Variants in LRMDA observed in about 807,000 individuals in gnomAD.
The protein encoded by LRMDA is leucine-rich melanocyte differentiation-associated protein.
A neutral mutation model predicts 29.8 loss-of-function variants in LRMDA; 18 were observed. That is an observed-to-expected ratio of 0.60 (90% confidence interval 0.42 to 0.90). LRMDA has a LOEUF of 0.90. LRMDA is among the 40% of genes least tolerant of loss of function. The pLI, the probability that LRMDA is intolerant of heterozygous loss-of-function variation, is 0.00. For missense variants in LRMDA, 273 were observed against 273.9 expected (o/e 1.00, Z 0.02); for synonymous variants, 125 against 109.4 (o/e 1.14, Z -0.89).
rs34383202 is a variant in LRMDA at position 75,667,220 on chromosome 10, A to ACC, written c.131+228736_131+228737dup. On this transcript the variant is annotated intron_variant, in intron 2 of 6. Transcript: ENST00000611255. ...TTTGTCCTTTTCTAATGATTTTATA[A>ACC]CCCCCCCCCCCAAGTAAGAATAAAA... is the stretch of plus-strand genomic sequence containing the variant. Among the ~76,000 whole-genome samples, 259 of 149,288 alleles carry ACC rather than the reference A, an allele frequency of 1.7e-3. 2 individuals carry two copies. The Middle Eastern group carries it at 0.021, about 12-fold the overall frequency.
At chr10:75,764,928 CGTGTGTGTGTGTGTGTGTGTGTGTGTGT>C (rs57422251) in intron 2 of LRMDA, among the ~76,000 whole-genome samples, 4 of 142,772 alleles carry the variant, frequency 2.8e-5, no homozygotes, top group Non-Finnish European at 6.1e-5. Context: ...GCAAGAGACA[CGTGTGTGTGTGTGTGTGTGTGTGTGTGT>C]GTGTGTGTGT....
At chr10:75,993,681 T>A (rs2132461830) in intron 2 of LRMDA, among the ~76,000 whole-genome samples, 1 of 151,366 alleles carries the variant, frequency 6.6e-6, no homozygotes, top group Non-Finnish European at 1.5e-5. Context: ...TCCAGCAAGC[T>A]GAGATCATGC....
At chr10:76,232,813 A>T (rs1164584024) in intron 5 of LRMDA, among the ~76,000 whole-genome samples, 1 of 152,184 alleles carries the variant, frequency 6.6e-6, no homozygotes, top group Non-Finnish European at 1.5e-5. Flanking sequence ...TGGTCCCCCT[A>T]CCCAAAGGTG....
intron 2 of LRMDA, among the ~76,000 whole-genome samples, chr10:75,798,339 T>C (rs1393816342): frequency 6.6e-6 from 1 of 152,088 alleles, no homozygotes. Context: ...ACTTAACCAC[T>C]TTTTGCTTTT....
chr10:76,125,618 G>T (rs1266178708), intron 5 of LRMDA, among the ~76,000 whole-genome samples: 2 of 152,192 alleles, frequency 1.3e-5, no homozygotes, highest in Non-Finnish European at 2.9e-5. Context: ...TACAGTGAAG[G>T]TAGGGGGAGA....
chr10:75,623,791 A>T (rs1294308863), intron 2 of LRMDA, among the ~76,000 whole-genome samples: 2 of 152,232 alleles, frequency 1.3e-5, no homozygotes, highest in Admixed American at 6.5e-5. Flanking sequence ...GTTCATCTTT[A>T]TCAGCCAAAG....
chr10:76,489,781 A>G (rs1842814884), intron 6 of LRMDA, among the ~76,000 whole-genome samples: 4 of 151,872 alleles, frequency 2.6e-5, no homozygotes. Flanking sequence ...CTCACAAATC[A>G]TCACTAAAGA....
At chr10:76,401,259 C>G (rs961313868) in intron 6 of LRMDA, among the ~76,000 whole-genome samples, 1 of 152,152 alleles carries the variant, frequency 6.6e-6, no homozygotes. Context: ...GAAGAGCAAG[C>G]CAGTGTGCCC....
At chr10:76,547,099 C>G (rs2132391163) in intron 6 of LRMDA, among the ~76,000 whole-genome samples, 1 of 152,196 alleles carries the variant, frequency 6.6e-6, no homozygotes, top group Non-Finnish European at 1.5e-5. Context: ...ATCCATTTTT[C>G]ATTTTTATTT....
intron 2 of LRMDA, among the ~76,000 whole-genome samples, chr10:75,560,982 G>GTCTCAGAGGA (rs1840286743): frequency 1.3e-5 from 2 of 150,490 alleles, no homozygotes; most frequent in Admixed American, 6.6e-5. Flanking sequence ...CAAGGATATT[G>GTCTCAGAGGA]GTCTAAAATT....
At chr10:75,984,603 G>A (rs1847231838) in intron 2 of LRMDA, among the ~76,000 whole-genome samples, 1 of 152,242 alleles carries the variant, frequency 6.6e-6, no homozygotes, top group Non-Finnish European at 1.5e-5. Flanking sequence ...CCTGTGTGGG[G>A]GACCAAGGGA....
intron 2 of LRMDA, among the ~76,000 whole-genome samples, 175 bp downstream of exon 2, chr10:75,438,669 A>T (rs891569412): frequency 2.0e-5 from 3 of 152,176 alleles, no homozygotes; most frequent in East Asian, 1.9e-4. Context: ...GTGTCCGGTG[A>T]TTCCTTGGCT....
At chr10:76,026,898 A>G (rs1025992572) in intron 2 of LRMDA, among the ~76,000 whole-genome samples, 1 of 152,230 alleles carries the variant, frequency 6.6e-6, no homozygotes, top group Non-Finnish European at 1.5e-5. Flanking sequence ...AAATAAGTAT[A>G]GTGGCTCTGA....
chr10:76,024,466 C>T (rs559574257), intron 2 of LRMDA, among the ~76,000 whole-genome samples: 44 of 152,322 alleles, frequency 2.9e-4, no homozygotes, highest in African/African-American at 7.0e-4. Context: ...AAAATGGCTC[C>T]GGTAGCAAGC....
intron 2 of LRMDA, among the ~76,000 whole-genome samples, chr10:75,825,918 A>G (rs1844240030): frequency 6.6e-6 from 1 of 152,202 alleles, no homozygotes; most frequent in South Asian, 2.1e-4. Context: ...GCCAACATAA[A>G]CAGCGGCTGC....
Position 76,363,211 on chromosome 10 carries a change from AAG to A in LRMDA, c.601+38727_601+38728del, listed in dbSNP as rs1564520719. Among the ~76,000 whole-genome samples, 31 of 10,072 alleles carry A rather than the reference AAG, an allele frequency of 3.1e-3. 3 individuals are homozygous for A. Among genetic ancestry groups the A allele is most frequent in the South Asian group, 0.017 (5 of 296 alleles). The allele number at this position is 10,072 out of a possible 152,430, so 6.6% of individuals were successfully genotyped here. On this transcript the variant is annotated intron_variant, in intron 6 of 6. Coordinates refer to ENST00000611255, the MANE Select transcript of LRMDA (RefSeq NM_001305581.2). ...GAGGGAGGGAGGGAGGGAGGGAGGG[AAG>A]GAAGAGAAAGAAAGAAAGAAAGAAA...
chr10:75,455,834 G>T (rs996604951), intron 2 of LRMDA, among the ~76,000 whole-genome samples: 3 of 152,182 alleles, frequency 2.0e-5, no homozygotes, highest in Admixed American at 6.5e-5. Context: ...CCTGGAGGGA[G>T]GGCAGGATTT....
intron 2 of LRMDA, among the ~76,000 whole-genome samples, chr10:75,660,632 C>T (rs183345281): frequency 1.6e-4 from 25 of 151,634 alleles, no homozygotes; most frequent in African/African-American, 5.8e-4. Flanking sequence ...CTCTAGTTAT[C>T]TGTAAAAATA....
chr10:75,517,851 T>A (rs1845310175), intron 2 of LRMDA, among the ~76,000 whole-genome samples: 1 of 152,166 alleles, frequency 6.6e-6, no homozygotes, highest in Non-Finnish European at 1.5e-5. Context: ...CATGAAAAGC[T>A]CTTATTATTT....
Sources: gnomAD v4.1 joint callset for allele counts (sites outside exome capture counted in the v4.1 genomes callset) on GRCh38, gnomAD v4.1.1 for gene constraint, MANE v1.5 for transcripts, NCBI Gene and HGNC (gene_info 2026-07-23, HGNC 2026-07-21) for gene names.